FAM53C: variants seen among roughly 807,000 people sequenced by gnomAD.
The protein encoded by FAM53C is protein FAM53C.
FAM53C carries 10 observed loss-of-function variants against 34.7 expected under a neutral mutation model. That is an observed-to-expected ratio of 0.29 (90% CI 0.18 to 0.49). The LOEUF (loss-of-function observed/expected upper bound fraction) is 0.49. Among genes scored for constraint, FAM53C ranks in the 20% least tolerant of loss-of-function variants. The pLI is 0.99. For synonymous variants in FAM53C, 203 were observed against 203.6 expected, an observed-to-expected ratio of 1.00 and a Z score of 0.03; for missense variants, 442 against 515.3, an observed-to-expected ratio of 0.86 and a Z score of 1.38.
At chr5:138,338,349 G>A (rs540478572) in intron 1 of FAM53C, 42 bp downstream of exon 1, 76 of 437,428 alleles carry the variant, frequency 1.7e-4, no homozygotes, top group Middle Eastern at 1.4e-3. Context: ...CTCGGGGCGG[G>A]CACCTCAACC....
chr5:138,347,110 A>T lies in FAM53C; in HGVS notation c.*151A>T, dbSNP rs1761202353. 1.8e-6 allele frequency: 2 copies of T among 1,100,852 alleles called. No homozygotes were observed. Among genetic ancestry groups the T allele is most frequent in the African/African-American group, 1.6e-5 (1 of 64,418 alleles). The allele number at this position is 1,100,852 out of a possible 1,614,324, so 68.2% of individuals were successfully genotyped here. A position where few individuals can be genotyped will look rare whatever the true frequency, so the allele number is the denominator to read the frequency against. On this transcript the variant is annotated 3_prime_UTR_variant, in exon 5 of 5. Transcript: ENST00000239906. ...AGCTGGAAATCTTCTCGCTCCAGCA[A>T]GCTCGACCATGCCAAGAGACTGGCC...
chr5:138,345,115 A>C lies in FAM53C; in HGVS notation c.427A>C (p.Thr143Pro), dbSNP rs1440363579. The C allele has an allele frequency of 6.2e-7, 1 of 1,612,072 alleles. No homozygotes were observed. Among genetic ancestry groups the C allele is most frequent in the Non-Finnish European group, 8.5e-7 (1 of 1,179,364 alleles). ...VWRPAPSKLW[T>P]PIKHRGSGGG... ...GCGGCCCGCCCCCTCCAAGCTGTGGACTCCCATAAAGCACCGGGGCAGTGG... is the reference window on the plus strand; with the variant it reads ...GCGGCCCGCCCCCTCCAAGCTGTGGCCTCCCATAAAGCACCGGGGCAGTGG... Residue 143 changes from threonine (T) to proline (P), a missense_variant, in exon 4 of 5, where the codon ACT (threonine) becomes CCT (proline). Physicochemically the swap from Thr to Pro is conservative, Grantham distance 38. Coordinates refer to ENST00000239906, the MANE Select transcript of FAM53C (RefSeq NM_016605.3). The surrounding 1 kb of genome is among the most constrained non-coding windows in gnomAD (Gnocchi z 6.3).
In FAM53C at chr5:138,346,978, T is replaced by G; in HGVS notation, c.*19T>G. 1 of 1,613,668 alleles carries G rather than the reference T, an allele frequency of 6.2e-7. No individual in the cohort carries two copies. Among genetic ancestry groups the G allele is most frequent in the African/African-American group, 1.3e-5 (1 of 75,032 alleles). ...AAACTAAAACTGAGAGGCTACTTCCTGGGGCCACACAGACTGACTCTCTCA... is the reference window on the plus strand; with the variant it reads ...AAACTAAAACTGAGAGGCTACTTCCGGGGGCCACACAGACTGACTCTCTCA... On this transcript the variant is annotated 3_prime_UTR_variant, in exon 5 of 5. Transcript: ENST00000239906.
In FAM53C at chr5:138,348,350, T is replaced by G. The variant is rs1761236562; in HGVS notation, c.*1391T>G. On this transcript the variant is annotated 3_prime_UTR_variant, in exon 5 of 5. Transcript: ENST00000239906. ...GGTCCAAGTGGCCACAGTGATGGGT[T>G]TAAGTACCTTGGTAGGGCTGGCACC... The G allele has an allele frequency of 6.6e-6, 1 of 152,478 alleles. No individual in the cohort carries two copies. The allele number at this position is 152,478 out of a possible 1,614,324, so 9.4% of individuals were successfully genotyped here. A position where few individuals can be genotyped will look rare whatever the true frequency, so the allele number is the denominator to read the frequency against.
Position 138,347,123 on chromosome 5 carries a change from C to A in FAM53C, c.*164C>A. On this transcript the variant is annotated 3_prime_UTR_variant, in exon 5 of 5. Coordinates refer to ENST00000239906, the MANE Select transcript of FAM53C (RefSeq NM_016605.3). ...CTCGCTCCAGCAAGCTCGACCATGCCAAGAGACTGGCCGGGACAAGATAAA... is the reference window on the plus strand; with the variant it reads ...CTCGCTCCAGCAAGCTCGACCATGCAAAGAGACTGGCCGGGACAAGATAAA... 3.1e-6 allele frequency: 3 copies of A among 970,336 alleles called. No homozygotes were observed. Among genetic ancestry groups the A allele is most frequent in the Non-Finnish European group, 4.6e-6 (3 of 656,638 alleles). 60.1% of individuals were successfully genotyped at this position (970,336 alleles called of 1,614,324 possible).
rs1408912717 is a variant in FAM53C, at chr5:138,345,465, C to T, written c.777C>T (p.Pro259=). Residue 259 remains proline (P), a synonymous_variant, in exon 4 of 5, where the codon CCC becomes CCT. Coordinates refer to ENST00000239906, the MANE Select transcript of FAM53C (RefSeq NM_016605.3). The surrounding 1 kb of genome is among the most constrained non-coding windows in gnomAD (Gnocchi z 6.3). The stretch of plus-strand genomic sequence containing the variant: ...CTCCCGCATCCTCCCCAGAGCTGCC[C>T]TGGCGACCTCGAGGTCTCCGCAACC... ...RSSPASSPEL[P]WRPRGLRNLP... is the part of the protein sequence containing the mutation. 6.2e-7 allele frequency: 1 copy of T among 1,614,116 alleles called. No homozygotes were observed. Among genetic ancestry groups the T allele is most frequent in the East Asian group, 2.2e-5 (1 of 44,876 alleles).
chr5:138,342,460 G>A (rs1761060023), intron 3 of FAM53C: 1 of 152,094 alleles, frequency 6.6e-6, no homozygotes, highest in Non-Finnish European at 1.5e-5. Context: ...GGGCCTAGTG[G>A]GTCACACCTA....
intron 3 of FAM53C, among the ~76,000 whole-genome samples, chr5:138,343,941 C>T (rs371876681): frequency 5.3e-5 from 8 of 152,140 alleles, no homozygotes; most frequent in Admixed American, 1.3e-4. Context: ...AGTCTGACTT[C>T]GTATACTTGT....
At position 138,344,830 on chromosome 5, in the gene FAM53C, G is replaced by A. The variant is rs374631628; in HGVS notation, c.142G>A (p.Ala48Thr). 15 of 1,537,762 alleles carry A rather than the reference G, an allele frequency of 9.8e-6. No individual in the cohort carries two copies. In the African/African-American group the frequency reaches 1.8e-4, roughly 19 times the overall value. The change falls in exon 4 of 5, where the codon GCT (alanine) becomes ACT (threonine). Residue 48 changes from alanine to threonine, a missense_variant. Transcript: ENST00000239906. ...TTATTATAAATGCCTTCCAGAAGGT[G>A]CTTCCTGGAGGGGCCTGCCCCACTG... Reference protein sequence around the residue: ...GNSFQLVSEGASWRGLPHCSC... With the variant: ...GNSFQLVSEGTSWRGLPHCSC...
At chr5:138,338,260 G>T, upstream of FAM53C, 2 of 1,040,460 alleles carry the variant, frequency 1.9e-6, no homozygotes, top group Middle Eastern at 2.4e-4. Flanking sequence ...GGCGAACCGA[G>T]CGCTCAGAGC....
upstream of FAM53C, chr5:138,337,669 T>C (rs1210732831): frequency 3.1e-6 from 1 of 319,960 alleles, no homozygotes; most frequent in Admixed American, 4.9e-5. Flanking sequence ...CCATTATAAG[T>C]CCTGGGTTTT....
At position 138,348,529 on chromosome 5, in the gene FAM53C, C is replaced by G. The variant is rs1761240070; in HGVS notation, c.*1570C>G. 6.6e-6 allele frequency: 1 copy of G among 152,218 alleles called. No homozygotes were observed. The highest frequency in any genetic ancestry group is 6.5e-5 in the Admixed American group (1 of 15,288). The allele number at this position is 152,218 out of a possible 1,614,324, so 9.4% of individuals were successfully genotyped here. On this transcript the variant is annotated 3_prime_UTR_variant, in exon 5 of 5. Transcript: ENST00000239906. Reference sequence around the variant, plus strand: ...TCCAGGGTTTCCTAGGACCCAGTTCCTCATGTAAGGGAGGAAGACCAAGGT... The same window carrying G: ...TCCAGGGTTTCCTAGGACCCAGTTCGTCATGTAAGGGAGGAAGACCAAGGT...
intron 4 of FAM53C, among the ~76,000 whole-genome samples, chr5:138,346,451 T>C (rs184708663): frequency 1.8e-3 from 278 of 152,258 alleles, no homozygotes; most frequent in African/African-American, 6.3e-3. Context: ...CGGTGAAACC[T>C]CGTCTCTACT....
Position 138,345,801 on chromosome 5 carries a change from C to A in FAM53C, c.921+192C>A, listed in dbSNP as rs950565833. 2.6e-5 allele frequency among the ~76,000 whole-genome samples: 4 copies of A among 152,240 alleles called. No individual in the cohort carries two copies. The highest frequency in any genetic ancestry group is 9.6e-5 in the African/African-American group (4 of 41,460). On this transcript the variant is annotated intron_variant, in intron 4 of 4. Coordinates refer to ENST00000239906, the MANE Select transcript of FAM53C (RefSeq NM_016605.3). This position sits in a 1 kb window ranked among gnomAD's most constrained non-coding sequence, Gnocchi z 6.3. ...CCAGTGTTAGCACTGAAAGTCCCCCCATCCTGTGAAATGCCTTAATCCTGG... is the reference window on the plus strand; with the variant it reads ...CCAGTGTTAGCACTGAAAGTCCCCCAATCCTGTGAAATGCCTTAATCCTGG...
chr5:138,342,713 G>A (rs1425792957), intron 3 of FAM53C: 2 of 147,606 alleles, frequency 1.4e-5, no homozygotes, highest in Non-Finnish European at 3.0e-5. Context: ...GGCAACAAGA[G>A]CAAAACTCTG....
chr5:138,349,586 A>T lies in FAM53C; in HGVS notation c.*2627A>T, dbSNP rs1761266159. On this transcript the variant is annotated 3_prime_UTR_variant, in exon 5 of 5. Transcript: ENST00000239906. ...CTGTGCTAATGGGATTACAAATACA[A>T]AAAGTGGAAAAAAATTTTCGTAAAC... 1 of 152,666 alleles carries T rather than the reference A, an allele frequency of 6.6e-6. No homozygotes were observed. The highest frequency in any genetic ancestry group is 1.5e-5 in the Non-Finnish European group (1 of 68,046). The allele number at this position is 152,666 out of a possible 1,614,324, so 9.5% of individuals were successfully genotyped here.
Position 138,348,122 on chromosome 5 carries a change from A to ATAG in FAM53C, c.*1165_*1167dup, listed in dbSNP as rs1452075716. 1 of 152,660 alleles carries ATAG rather than the reference A, an allele frequency of 6.6e-6. No individual in the cohort carries two copies. The highest frequency in any genetic ancestry group is 1.5e-5 in the Non-Finnish European group (1 of 68,048). 9.5% of individuals were successfully genotyped at this position (152,660 alleles called of 1,614,324 possible). On this transcript the variant is annotated 3_prime_UTR_variant, in exon 5 of 5. Transcript: ENST00000239906. ...GGGAAGAAGGGGTGTTTAGCATTTA[A>ATAG]TAGTTTGCTTGTCTTCCACTCCTGC...
At position 138,347,261 on chromosome 5, in the gene FAM53C, G is replaced by A. The variant is rs561384490; in HGVS notation, c.*302G>A. Reference sequence around the variant, plus strand: ...TGGGCAGGGAAGGAAGGGGTCTGCCGACCCCAGCTCGGGGAATTTCACTAG... The same window carrying A: ...TGGGCAGGGAAGGAAGGGGTCTGCCAACCCCAGCTCGGGGAATTTCACTAG... On this transcript the variant is annotated 3_prime_UTR_variant, in exon 5 of 5. Transcript: ENST00000239906. 2.6e-5 allele frequency: 11 copies of A among 422,668 alleles called. No individual in the cohort carries two copies. The highest frequency in any genetic ancestry group is 5.1e-5 in the East Asian group (1 of 19,624). The allele number at this position is 422,668 out of a possible 1,614,324, so 26.2% of individuals were successfully genotyped here.
chr5:138,346,670 A>G, intron 4 of FAM53C, 32 bp from the exon 5 acceptor site: 2 of 1,611,254 alleles, frequency 1.2e-6, no homozygotes, highest in Non-Finnish European at 1.7e-6. Context: ...TCTTGCCTTC[A>G]GGTGTAACTG....
Sources: allele counts gnomAD v4.1 joint callset (sites outside exome capture counted in the v4.1 genomes callset), GRCh38; gene constraint gnomAD v4.1.1; non-coding constraint Gnocchi (gnomAD v3.1); transcripts MANE v1.5; gene names NCBI Gene and HGNC (gene_info 2026-07-23, HGNC 2026-07-21).